ZIM2: variants seen among roughly 807,000 people sequenced by gnomAD.
ZIM2 encodes the protein zinc finger protein 656.
In ZIM2, 14 loss-of-function variants were observed where a neutral mutation model predicts 38.6. The ratio of observed to expected loss-of-function variants is 0.36; its 90% confidence interval spans 0.24 to 0.57. ZIM2 has a LOEUF of 0.57. Ranked by LOEUF, ZIM2 falls within the 20% of genes least tolerant of loss-of-function variation. The probability of loss-of-function intolerance (pLI) is 0.81; values close to 1 mark genes in which losing one functional copy is unlikely to be tolerated. For synonymous variants in ZIM2, 247 were observed against 245.8 expected (o/e 1.00, Z -0.04); for missense variants, 680 against 695.1 (o/e 0.98, Z 0.24).
At chr19:56,807,952 G>A (rs2047836861) in intron 9 of ZIM2, among the ~76,000 whole-genome samples, 1 of 152,190 alleles carries the variant, frequency 6.6e-6, no homozygotes, top group Non-Finnish European at 1.5e-5. Flanking sequence ...AGTCCTTCTA[G>A]TAGGACAGCA....
rs761719508 is a variant in ZIM2, at chr19:56,823,678, G to A, written c.18C>T (p.Asp6=). MYQPE[D]DNNSDVTSDD... ...CGCTGGTCACGTCACTGTTGTTGTC[G>A]TCTAAGAGGACACCGGTCGCCAAGT... The change falls in exon 5 of 13, where the codon GAC becomes GAT. Residue 6 remains aspartate (D), a splice_region_variant and synonymous_variant. Transcript: ENST00000629319. The A allele has an allele frequency of 2.4e-5, 39 of 1,613,970 alleles. 1 individual carries two copies. Among genetic ancestry groups the A allele is most frequent in the Admixed American group, 1.3e-4 (8 of 59,994 alleles).
intron 9 of ZIM2, among the ~76,000 whole-genome samples, chr19:56,794,546 A>T (rs780357179): frequency 6.6e-6 from 1 of 152,256 alleles, no homozygotes; most frequent in Non-Finnish European, 1.5e-5. Flanking sequence ...CCCAAATTAC[A>T]TAGACAAAAG....
chr19:56,783,649 A>AC (rs2046440825), intron 10 of ZIM2, among the ~76,000 whole-genome samples: 1 of 152,160 alleles, frequency 6.6e-6, no homozygotes, highest in African/African-American at 2.4e-5. Flanking sequence ...TTAAAATGGG[A>AC]CAACAGACAC....
intron 1 of ZIM2, among the ~76,000 whole-genome samples, chr19:56,838,881 G>A (rs554372070): frequency 9.2e-5 from 14 of 152,122 alleles, no homozygotes; most frequent in Non-Finnish European, 1.5e-4. Context: ...ACACCTATGC[G>A]GCAAACCGCA....
At chr19:56,829,148 C>T (rs748306093) in intron 2 of ZIM2, among the ~76,000 whole-genome samples, 11 of 152,066 alleles carry the variant, frequency 7.2e-5, no homozygotes, top group East Asian at 5.8e-4. Flanking sequence ...GTCAGGAGTT[C>T]GAGACCAGCC....
chr19:56,783,199 T>A (rs2046415772), intron 10 of ZIM2, among the ~76,000 whole-genome samples: 2 of 152,164 alleles, frequency 1.3e-5, no homozygotes, highest in African/African-American at 4.8e-5. Context: ...AAGAGATAAA[T>A]ATAGTATAGC....
At chr19:56,785,947 GTT>G (rs1430735039) in intron 10 of ZIM2, among the ~76,000 whole-genome samples, 1 of 152,074 alleles carries the variant, frequency 6.6e-6, no homozygotes, top group Non-Finnish European at 1.5e-5. Flanking sequence ...TATTCACAGA[GTT>G]GTGCAACCAT....
At chr19:56,781,303 G>A (rs1407016627) in intron 11 of ZIM2, among the ~76,000 whole-genome samples, 1 of 152,032 alleles carries the variant, frequency 6.6e-6, no homozygotes, top group Non-Finnish European at 1.5e-5. Context: ...CACTGAAAAA[G>A]GAGCTTGGCA....
intron 2 of ZIM2, among the ~76,000 whole-genome samples, chr19:56,832,267 C>T (rs1279514632): frequency 1.3e-5 from 2 of 152,180 alleles, no homozygotes; most frequent in East Asian, 3.8e-4. Context: ...TCAGGCCCTG[C>T]CCTTTCTCTG....
chr19:56,806,658 G>A (rs1383059990), intron 9 of ZIM2, among the ~76,000 whole-genome samples: 1 of 152,188 alleles, frequency 6.6e-6, no homozygotes, highest in Non-Finnish European at 1.5e-5. Context: ...GCTGTGGTCT[G>A]AATGTTTGTG....
chr19:56,787,784 C>T (rs1313167831), intron 10 of ZIM2, among the ~76,000 whole-genome samples: 1 of 134,342 alleles, frequency 7.4e-6, no homozygotes, highest in African/African-American at 2.8e-5. Context: ...TTGGTCTATT[C>T]AGGGATTCGA....
intron 9 of ZIM2, chr19:56,812,893 GCAACCAAT>G (rs1568606870): frequency 1.0e-6 from 1 of 985,174 alleles, no homozygotes; most frequent in Non-Finnish European, 1.2e-6. Flanking sequence ...ATAACATGTG[GCAACCAAT>G]CAATCTGGGT....
chr19:56,787,968 G>C (rs774181981), intron 10 of ZIM2, among the ~76,000 whole-genome samples: 2 of 151,508 alleles, frequency 1.3e-5, no homozygotes, highest in Admixed American at 6.6e-5. Flanking sequence ...ATTTTTTATT[G>C]TGTCTATTTG....
intron 1 of ZIM2, among the ~76,000 whole-genome samples, chr19:56,838,300 G>A (rs1165598201): frequency 2.0e-5 from 3 of 152,138 alleles, no homozygotes; most frequent in African/African-American, 4.8e-5. Flanking sequence ...CCTCATGCCC[G>A]CCCCTGGGGC....
intron 9 of ZIM2, among the ~76,000 whole-genome samples, chr19:56,808,471 C>T (rs1449627550): frequency 1.3e-5 from 2 of 152,104 alleles, no homozygotes; most frequent in Non-Finnish European, 2.9e-5. Flanking sequence ...CAGAATGAAT[C>T]TCTATTCCAT....
rs181195047 is a variant in ZIM2, at chr19:56,814,688, A to T, written c.490+3058T>A. 5 of 1,614,068 alleles carry T rather than the reference A, an allele frequency of 3.1e-6. No homozygotes were observed. The Admixed American group carries it at 6.7e-5, about 22-fold the overall frequency. On this transcript the variant is annotated intron_variant, in intron 9 of 12. Coordinates refer to ENST00000629319, the MANE Select transcript of ZIM2 (RefSeq NM_001387356.1). This position sits in a 1 kb window ranked among gnomAD's most constrained non-coding sequence, Gnocchi z 5.8. ...TCAGCCATCTGGCTCTGCTCCAGTA[A>T]ATCATCTTCCCTATGAAGTCTCATA... is the stretch of plus-strand genomic sequence containing the variant.
intron 9 of ZIM2, chr19:56,813,888 TG>T: frequency 6.2e-7 from 1 of 1,614,232 alleles, no homozygotes; most frequent in South Asian, 1.1e-5. Context: ...CACTGAATGC[TG>T]TGCTGGAAGT....
At chr19:56,795,554 C>T (rs1246322114) in intron 9 of ZIM2, among the ~76,000 whole-genome samples, 11 of 152,242 alleles carry the variant, frequency 7.2e-5, no homozygotes, top group Admixed American at 7.2e-4. Context: ...CTTGCGCGTG[C>T]GCTCTGCGGT....
At chr19:56,838,973 C>G (rs1046178705) in intron 1 of ZIM2, among the ~76,000 whole-genome samples, 3 of 151,920 alleles carry the variant, frequency 2.0e-5, no homozygotes, top group Non-Finnish European at 2.9e-5. Context: ...CCACTTCAGC[C>G]TTGCCCCGCC....
Sources: allele counts gnomAD v4.1 joint callset (sites outside exome capture counted in the v4.1 genomes callset), GRCh38; gene constraint gnomAD v4.1.1; non-coding constraint Gnocchi (gnomAD v3.1); transcripts MANE v1.5; gene names NCBI Gene and HGNC (gene_info 2026-07-23, HGNC 2026-07-21).